Variants in TRIM35 observed in about 807,000 individuals in gnomAD.
The protein encoded by TRIM35 is tripartite motif containing 35.
Under a neutral mutation model 49.1 loss-of-function variants are expected in TRIM35, and 37 were observed. That is an observed-to-expected ratio of 0.75 (90% CI 0.58 to 0.99). TRIM35 has a LOEUF of 0.99. TRIM35 is among the 50% of genes least tolerant of loss of function. The pLI is 0.00. For synonymous variants in TRIM35, 302 were observed against 289.3 expected (o/e 1.04, Z -0.45); for missense variants, 648 against 702.7 (o/e 0.92, Z 0.88).
At chr8:27,309,884 C>T (rs947951241) in intron 1 of TRIM35, among the ~76,000 whole-genome samples, 10 of 150,700 alleles carry the variant, frequency 6.6e-5, no homozygotes, top group Non-Finnish European at 1.0e-4. Flanking sequence ...CTCAGCTACT[C>T]GGGAGGCTGA....
Position 27,294,150 on chromosome 8 carries a change from G to A in TRIM35, c.692C>T (p.Thr231Met), listed in dbSNP as rs1201555843. 3.7e-6 allele frequency: 6 copies of A among 1,614,164 alleles called. No homozygotes were observed. The highest frequency in any genetic ancestry group is 5.1e-6 in the Non-Finnish European group (6 of 1,180,046). The change falls in exon 3 of 6, where the codon ACG becomes ATG. Residue 231 changes from threonine (T) to methionine (M), a missense_variant. Coordinates refer to ENST00000305364, the MANE Select transcript of TRIM35 (RefSeq NM_171982.5). ...CTCGATCTCATGTGCCAGCACCTCC[G>A]TCTCCTCTGTGAGCTGCTTCATCTT... ...DEKMKQLTEE[T>M]EVLAHEIERL...
intron 4 of TRIM35, among the ~76,000 whole-genome samples, chr8:27,289,581 C>T (rs1378842376): frequency 2.6e-5 from 4 of 152,198 alleles, no homozygotes; most frequent in Admixed American, 2.6e-4. Context: ...CTTACACATC[C>T]GGCTCATGGG....
In TRIM35 at chr8:27,294,934, T is replaced by C. The variant is rs914951175; in HGVS notation, c.532-624A>G. Reference sequence around the variant, plus strand: ...CCTCCTGGGTTCAAGCAATTTTCCCTGCCTCAGCCTCCCGAGTAGCTGGGA... The same window carrying C: ...CCTCCTGGGTTCAAGCAATTTTCCCCGCCTCAGCCTCCCGAGTAGCTGGGA... On this transcript the variant is annotated intron_variant, in intron 2 of 5. Coordinates refer to ENST00000305364, the MANE Select transcript of TRIM35 (RefSeq NM_171982.5). Among the ~76,000 whole-genome samples the C allele has an allele frequency of 2.0e-5, 3 of 152,148 alleles. No homozygotes were observed. In the South Asian group the frequency reaches 6.2e-4, roughly 32 times the overall value.
chr8:27,288,678 G>A (rs1484645748), intron 5 of TRIM35, among the ~76,000 whole-genome samples: 3 of 152,124 alleles, frequency 2.0e-5, no homozygotes, highest in East Asian at 1.9e-4. Context: ...GTGGTCCTTC[G>A]TTATGGCAGC....
At chr8:27,296,888 TCTATTAGA>T (rs1289292859) in intron 2 of TRIM35, among the ~76,000 whole-genome samples, 8 of 152,238 alleles carry the variant, frequency 5.3e-5, no homozygotes, top group African/African-American at 1.9e-4. Context: ...AGTTTGTTGG[TCTATTAGA>T]CATCAGAAAT....
intron 1 of TRIM35, 126 bp downstream of exon 1, chr8:27,310,675 C>T: frequency 8.8e-7 from 1 of 1,138,704 alleles, no homozygotes. Flanking sequence ...AGGTGGGGTC[C>T]TGCATGCTGG....
intron 3 of TRIM35, 22 bp from the exon 4 acceptor site, chr8:27,290,200 A>C (rs757932822): frequency 3.2e-5 from 52 of 1,612,572 alleles, no homozygotes; most frequent in Non-Finnish European, 4.2e-5. Context: ...AAAATAAAAA[A>C]ATAACACAGA....
At chr8:27,301,516 ACTC>A (rs1802682336) in intron 1 of TRIM35, among the ~76,000 whole-genome samples, 1 of 152,206 alleles carries the variant, frequency 6.6e-6, no homozygotes, top group Non-Finnish European at 1.5e-5. Flanking sequence ...ATTTTTAAGT[ACTC>A]AGTAAAGTAT....
chr8:27,293,162 C>G (rs1480297340), intron 3 of TRIM35, among the ~76,000 whole-genome samples: 1 of 152,038 alleles, frequency 6.6e-6, no homozygotes, highest in Non-Finnish European at 1.5e-5. Flanking sequence ...ACTGCCTGAA[C>G]AGATAACTGT....
In TRIM35 at chr8:27,294,065, C is replaced by G; in HGVS notation, c.762+15G>C. 3.1e-6 allele frequency: 5 copies of G among 1,612,036 alleles called. No individual in the cohort carries two copies. The highest frequency in any genetic ancestry group is 3.3e-4 in the Middle Eastern group (2 of 6,054). On this transcript the variant is annotated intron_variant, in intron 3 of 5. Coordinates refer to ENST00000305364, the MANE Select transcript of TRIM35 (RefSeq NM_171982.5). ...ATGTGGCCCTGTCACTGAATCCAGACGCTGAGCTCCTTACCATGAGAAAAG... is the reference window on the plus strand; with the variant it reads ...ATGTGGCCCTGTCACTGAATCCAGAGGCTGAGCTCCTTACCATGAGAAAAG...
At position 27,286,001 on chromosome 8, in the gene TRIM35, C is replaced by A; in HGVS notation, c.*1549G>T. On this transcript the variant is annotated 3_prime_UTR_variant, in exon 6 of 6. Coordinates refer to ENST00000305364, the MANE Select transcript of TRIM35 (RefSeq NM_171982.5). Reference sequence around the variant, plus strand: ...CCTTAAGTTTTATCTAACCAGTGTACACAACATATTTATAACCAATTAATA... The same window carrying A: ...CCTTAAGTTTTATCTAACCAGTGTAAACAACATATTTATAACCAATTAATA... 1 of 440,072 alleles carries A rather than the reference C, an allele frequency of 2.3e-6. No homozygotes were observed. 27.3% of individuals were successfully genotyped at this position (440,072 alleles called of 1,614,324 possible). A position where few individuals can be genotyped will look rare whatever the true frequency, so the allele number is the denominator to read the frequency against.
At chr8:27,296,964 T>TA (rs1358480386) in intron 2 of TRIM35, among the ~76,000 whole-genome samples, 3 of 152,184 alleles carry the variant, frequency 2.0e-5, no homozygotes, top group Non-Finnish European at 2.9e-5. Flanking sequence ...AATTTTTTTT[T>TA]AAAAACCCTA....
intron 3 of TRIM35, among the ~76,000 whole-genome samples, chr8:27,291,547 C>T (rs942583334): frequency 1.3e-5 from 2 of 152,144 alleles, no homozygotes; most frequent in East Asian, 1.9e-4. Context: ...AATCTACTCC[C>T]AGACATATTT....
chr8:27,293,931 C>G, intron 3 of TRIM35, 149 bp downstream of exon 3: 1 of 670,748 alleles, frequency 1.5e-6, no homozygotes, highest in South Asian at 2.0e-5. Flanking sequence ...TTTCATGACA[C>G]AAGCAGAGCA....
Position 27,287,176 on chromosome 8 carries a change from A to C in TRIM35, c.*374T>G. 1 of 186,220 alleles carries C rather than the reference A, an allele frequency of 5.4e-6. No individual in the cohort carries two copies. Among genetic ancestry groups the C allele is most frequent in the East Asian group, 1.5e-4 (1 of 6,610 alleles). 11.5% of individuals were successfully genotyped at this position (186,220 alleles called of 1,614,324 possible). On this transcript the variant is annotated 3_prime_UTR_variant, in exon 6 of 6. Transcript: ENST00000305364. The surrounding 1 kb of genome is among the most constrained non-coding windows in gnomAD (Gnocchi z 6.0). ...CCGTAAGTAACAAACTCTCCTTTCC[A>C]TGGCAGTCCCCTCCTCATCCAATGG... is the stretch of plus-strand genomic sequence containing the variant.
chr8:27,295,101 A>C (rs1802538966), intron 2 of TRIM35, among the ~76,000 whole-genome samples: 1 of 152,316 alleles, frequency 6.6e-6, no homozygotes, highest in South Asian at 2.1e-4. Flanking sequence ...TGGGATTACA[A>C]GCGTGAGCCA....
intron 1 of TRIM35, among the ~76,000 whole-genome samples, chr8:27,303,606 A>G (rs1310204788): frequency 6.6e-6 from 1 of 152,236 alleles, no homozygotes; most frequent in Non-Finnish European, 1.5e-5. Context: ...ACAGATCTGG[A>G]GCATCCCCCA....
intron 2 of TRIM35, among the ~76,000 whole-genome samples, chr8:27,294,877 A>G (rs1197413047): frequency 6.6e-6 from 1 of 151,742 alleles, no homozygotes; most frequent in Non-Finnish European, 1.5e-5. Context: ...GCTGGAGTGC[A>G]GTGGTGTGAT....
intron 1 of TRIM35, among the ~76,000 whole-genome samples, chr8:27,306,466 C>T (rs958454109): frequency 3.3e-5 from 5 of 151,986 alleles, no homozygotes; most frequent in African/African-American, 1.2e-4. Context: ...GCTGGGACTA[C>T]AGGTACCTGC....
Sources: gnomAD v4.1 joint callset for allele counts (sites outside exome capture counted in the v4.1 genomes callset) on GRCh38, gnomAD v4.1.1 for gene constraint, Gnocchi (gnomAD v3.1) non-coding constraint, MANE v1.5 for transcripts, NCBI Gene and HGNC (gene_info 2026-07-23, HGNC 2026-07-21) for gene names.